Variants in CCDC192 observed in about 807,000 individuals in gnomAD.
CCDC192 encodes the protein coiled-coil domain-containing protein 192.
At chr5:127,846,548 C>T (rs538552052) in intron 5 of CCDC192, among the ~76,000 whole-genome samples, 9 of 152,186 alleles carry the variant, frequency 5.9e-5, no homozygotes, top group African/African-American at 1.9e-4. Flanking sequence ...CGGCTCACCA[C>T]AACCTCCACC....
intron 6 of CCDC192, chr5:127,935,277 A>G (rs1257938115): frequency 6.6e-6 from 1 of 152,218 alleles, no homozygotes; most frequent in Non-Finnish European, 1.5e-5. Context: ...GAATGAATGA[A>G]CAAGAAGATG....
intron 5 of CCDC192, among the ~76,000 whole-genome samples, chr5:127,847,189 A>G (rs989231405): frequency 1.3e-5 from 2 of 152,166 alleles, no homozygotes; most frequent in Non-Finnish European, 2.9e-5. Context: ...TGCCCATTCA[A>G]GGTGGACCCA....
At chr5:127,706,586 G>A (rs248722) in intron 1 of CCDC192, among the ~76,000 whole-genome samples, 102,119 of 149,448 alleles carry the variant, frequency 0.68, 35,100 homozygotes, top group Middle Eastern at 0.76. Context: ...AAAGGAATCT[G>A]TTACATCTGT....
chr5:127,859,253 T>TGTCAGTA (rs1407438432), intron 5 of CCDC192, among the ~76,000 whole-genome samples: 2 of 152,230 alleles, frequency 1.3e-5, no homozygotes, highest in Non-Finnish European at 2.9e-5. Flanking sequence ...AAACATGTTT[T>TGTCAGTA]GTCAGTATTT....
Position 127,709,202 on chromosome 5 carries a change from GGAGAGAGAGAGAGAGAGAGAGA to G in CCDC192, c.114+1467_114+1488del, listed in dbSNP as rs201676720. Among the ~76,000 whole-genome samples, 124 of 85,728 alleles carry G rather than the reference GGAGAGAGAGAGAGAGAGAGAGA, an allele frequency of 1.4e-3. 4 individuals are homozygous for G. The highest frequency in any genetic ancestry group is 2.9e-3 in the African/African-American group (61 of 20,920). The allele number at this position is 85,728 out of a possible 152,430, so 56.2% of individuals were successfully genotyped here. Reference sequence around the variant, plus strand: ...GAGGGGGAGAGAGGTGGAGAGAGGGGGAGAGAGAGAGAGAGAGAGAGAGAGAGAGAGAGAGAGAGAGAGAGAA... The same window carrying G: ...GAGGGGGAGAGAGGTGGAGAGAGGGGGAGAGAGAGAGAGAGAGAGAGAGAA... On this transcript the variant is annotated intron_variant, in intron 2 of 6. Coordinates refer to ENST00000514853, the MANE Select transcript of CCDC192 (RefSeq NM_001317938.2).
At chr5:127,726,891 G>A (rs1404955519) in intron 2 of CCDC192, among the ~76,000 whole-genome samples, 1 of 152,192 alleles carries the variant, frequency 6.6e-6, no homozygotes, top group Non-Finnish European at 1.5e-5. Flanking sequence ...CTCCACCAAG[G>A]GGCCACCAGA....
At chr5:127,771,230 G>A (rs1755534575) in intron 3 of CCDC192, among the ~76,000 whole-genome samples, 1 of 152,158 alleles carries the variant, frequency 6.6e-6, no homozygotes, top group Non-Finnish European at 1.5e-5. Context: ...CAAACACATA[G>A]GAGCAGCACT....
At chr5:127,924,744 T>C (rs1437844408) in intron 6 of CCDC192, among the ~76,000 whole-genome samples, 1 of 152,210 alleles carries the variant, frequency 6.6e-6, no homozygotes, top group Non-Finnish European at 1.5e-5. Context: ...CTGTGATCTA[T>C]ACAAAGATTC....
chr5:127,808,855 T>C (rs1474421748), intron 5 of CCDC192, among the ~76,000 whole-genome samples: 2 of 152,160 alleles, frequency 1.3e-5, no homozygotes, highest in African/African-American at 2.4e-5. Flanking sequence ...GCTCAGTAAA[T>C]ACCTTGTTCA....
intron 3 of CCDC192, among the ~76,000 whole-genome samples, chr5:127,789,534 T>C (rs1441423220): frequency 6.6e-6 from 1 of 152,264 alleles, no homozygotes. Context: ...AAAGTGGATA[T>C]TTAGCTGAAG....
At chr5:127,832,752 C>G (rs376194896) in intron 5 of CCDC192, among the ~76,000 whole-genome samples, 1 of 152,112 alleles carries the variant, frequency 6.6e-6, no homozygotes, top group African/African-American at 2.4e-5. Flanking sequence ...AAAACCCAAA[C>G]TATATATTTA....
rs150358809 is a variant in CCDC192 at position 127,861,595 on chromosome 5, C to T, written c.412-13943C>T. 7.7e-3 allele frequency among the ~76,000 whole-genome samples: 1,166 copies of T among 152,068 alleles called. 16 individuals are homozygous for T. The highest frequency in any genetic ancestry group is 0.026 in the African/African-American group (1,065 of 41,490). On this transcript the variant is annotated intron_variant, in intron 5 of 6. Coordinates refer to ENST00000514853, the MANE Select transcript of CCDC192 (RefSeq NM_001317938.2). ...TCTTGAACCTGAGAGGTGGAGGTTGCGGTGAGCTGAGACTGTGACACTACA... is the reference window on the plus strand; with the variant it reads ...TCTTGAACCTGAGAGGTGGAGGTTGTGGTGAGCTGAGACTGTGACACTACA...
chr5:127,796,808 A>G (rs1468959194), intron 3 of CCDC192, among the ~76,000 whole-genome samples: 19 of 152,174 alleles, frequency 1.2e-4, no homozygotes, highest in Admixed American at 1.1e-3. Flanking sequence ...CACAGTGAAG[A>G]TGAGTGTTGA....
At chr5:127,793,980 A>G (rs1480853174) in intron 3 of CCDC192, among the ~76,000 whole-genome samples, 1 of 152,152 alleles carries the variant, frequency 6.6e-6, no homozygotes, top group East Asian at 1.9e-4. Context: ...GTTATCAAGA[A>G]CTTAAGTTTT....
intron 3 of CCDC192, among the ~76,000 whole-genome samples, chr5:127,789,947 T>TGG (rs752613030): frequency 2.6e-5 from 4 of 152,196 alleles, no homozygotes; most frequent in Non-Finnish European, 5.9e-5. Context: ...GTAGAGCCCT[T>TGG]GGGGTTTAGC....
intron 3 of CCDC192, among the ~76,000 whole-genome samples, chr5:127,757,307 G>T (rs891350622): frequency 6.6e-6 from 1 of 152,148 alleles, no homozygotes; most frequent in African/African-American, 2.4e-5. Flanking sequence ...GAGTTTAATT[G>T]GAAGTTGGCC....
In CCDC192 at chr5:127,778,007, T is replaced by TTG. The variant is rs141839653; in HGVS notation, c.223-19076_223-19075dup. Among the ~76,000 whole-genome samples the TTG allele has an allele frequency of 6.1e-3, 911 of 150,174 alleles. 6 individuals are homozygous for TTG. Among genetic ancestry groups the TTG allele is most frequent in the African/African-American group, 0.015 (604 of 41,050 alleles). On this transcript the variant is annotated intron_variant, in intron 3 of 6. Coordinates refer to ENST00000514853, the MANE Select transcript of CCDC192 (RefSeq NM_001317938.2). ...AACTTTACCAAATTCATTTATTAGC[T>TTG]TGTGTGTGTGTGTGTGTGTGTTGTT...
chr5:127,754,699 G>A (rs1326154408), intron 3 of CCDC192, among the ~76,000 whole-genome samples: 2 of 152,088 alleles, frequency 1.3e-5, no homozygotes, highest in Non-Finnish European at 2.9e-5. Context: ...TGATCTTCCT[G>A]AATAAGCAAA....
At chr5:127,846,819 CAAAAAAAAAAAAAA>C (rs551016691) in intron 5 of CCDC192, among the ~76,000 whole-genome samples, 1,060 of 63,696 alleles carry the variant, frequency 0.017, 29 homozygotes, top group South Asian at 0.03. Context: ...GTCAATAAAG[CAAAAAAAAAAAAAA>C]AAAAAAAAAA....
Sources: allele counts gnomAD v4.1 joint callset (sites outside exome capture counted in the v4.1 genomes callset), GRCh38; gene constraint gnomAD v4.1.1; transcripts MANE v1.5; gene names NCBI Gene and HGNC (gene_info 2026-07-23, HGNC 2026-07-21).